The following MED13L variants were observed in gnomAD, a reference collection of about 807,000 sequenced individuals.
The protein encoded by MED13L is mediator complex subunit 13L, also known as mediator of RNA polymerase II transcription subunit 13-like.
A neutral mutation model predicts 220.9 loss-of-function variants in MED13L; 7 were observed. The ratio of observed to expected loss-of-function variants is 0.03; its 90% confidence interval spans 0.02 to 0.06. The LOEUF (loss-of-function observed/expected upper bound fraction) is 0.06. MED13L is among the 10% of genes least tolerant of loss of function. MED13L has a pLI of 1.00. For missense variants in MED13L, 1,965 were observed against 2,760.5 expected (o/e 0.71, Z 6.46); for synonymous variants, 1,011 against 1,015.2 (o/e 1.00, Z 0.08).
chr12:116,029,245 GAA>G (rs34603122), intron 4 of MED13L, among the ~76,000 whole-genome samples: 3,219 of 134,108 alleles, frequency 0.024, 50 homozygotes, highest in Non-Finnish European at 0.033. Flanking sequence ...AAGCTTCTCT[GAA>G]AAAAAAAAAA....
intron 4 of MED13L, among the ~76,000 whole-genome samples, chr12:116,030,999 G>A (rs1323106552): frequency 6.6e-6 from 1 of 152,062 alleles, no homozygotes; most frequent in Non-Finnish European, 1.5e-5. Flanking sequence ...TGCATTAACA[G>A]ATGAATGAGA....
At chr12:116,109,159 C>T (rs1172247549) in intron 3 of MED13L, among the ~76,000 whole-genome samples, 1 of 148,088 alleles carries the variant, frequency 6.8e-6, no homozygotes, top group East Asian at 2.0e-4. Context: ...CAGCCTCAAC[C>T]TCCTGGGCTC....
At chr12:116,047,402 T>C (rs971831485) in intron 4 of MED13L, among the ~76,000 whole-genome samples, 1 of 152,160 alleles carries the variant, frequency 6.6e-6, no homozygotes, top group Non-Finnish European at 1.5e-5. Context: ...AGCTAGCTGT[T>C]GTACAGATTT....
chr12:116,123,589 C>T (rs989348185), intron 2 of MED13L, among the ~76,000 whole-genome samples: 5 of 152,078 alleles, frequency 3.3e-5, no homozygotes, highest in Non-Finnish European at 7.4e-5. Flanking sequence ...CACACGTGCA[C>T]ACAGAAGCTT....
intron 30 of MED13L, chr12:115,962,531 G>C (rs999776043): frequency 1.3e-5 from 2 of 152,070 alleles, no homozygotes; most frequent in Non-Finnish European, 2.9e-5. Flanking sequence ...ATGTTGATCA[G>C]GTTCTTTATT....
At chr12:115,978,056 G>A (rs549563450) in intron 23 of MED13L, among the ~76,000 whole-genome samples, 5 of 152,008 alleles carry the variant, frequency 3.3e-5, no homozygotes, top group African/African-American at 7.2e-5. Flanking sequence ...CAAGACCAGC[G>A]TGAGCAATAT....
chr12:115,984,250 A>C lies in MED13L; in HGVS notation c.4461T>G (p.Pro1487=), dbSNP rs1877532807. 4.3e-6 allele frequency: 7 copies of C among 1,613,920 alleles called. No individual in the cohort carries two copies. The highest frequency in any genetic ancestry group is 5.9e-6 in the Non-Finnish European group (7 of 1,180,006). ...DELVSEWFNQ[P]WSGEENDNHS... ...GATTGTCATTCTCCTCGCCGCTCCA[A>C]GGCTGGTTAAACCACTCACTCACAA... Residue 1487 remains proline, a synonymous_variant, in exon 20 of 31, where the codon CCT becomes CCG. Coordinates refer to ENST00000281928, the MANE Select transcript of MED13L (RefSeq NM_015335.5).
At chr12:116,007,978 T>G in intron 10 of MED13L, 1 of 336,014 alleles carries the variant, frequency 3.0e-6, no homozygotes, top group East Asian at 6.4e-5. Context: ...TATGTAAAGT[T>G]TTAGAATGGG....
At chr12:116,110,357 T>TTAAATAAATAAATAAA (rs34452896) in intron 3 of MED13L, 4 of 144,962 alleles carry the variant, frequency 2.8e-5, no homozygotes, top group African/African-American at 7.5e-5. Context: ...CATAGCAAGA[T>TTAAATAAATAAATAAA]TAAATAAATA....
intron 3 of MED13L, among the ~76,000 whole-genome samples, chr12:116,102,602 A>G (rs906737129): frequency 3.3e-5 from 5 of 151,930 alleles, no homozygotes; most frequent in Non-Finnish European, 5.9e-5. Context: ...CTTCCTAGAA[A>G]TTACAATGCT....
At chr12:116,028,753 C>A (rs1453431652) in intron 4 of MED13L, among the ~76,000 whole-genome samples, 1 of 152,160 alleles carries the variant, frequency 6.6e-6, no homozygotes, top group Non-Finnish European at 1.5e-5. Flanking sequence ...CTCTTAGGGG[C>A]ACACCACTTG....
At chr12:115,961,901 C>T (rs1258973185) in intron 30 of MED13L, among the ~76,000 whole-genome samples, 3 of 151,082 alleles carry the variant, frequency 2.0e-5, no homozygotes, top group Admixed American at 6.6e-5. Flanking sequence ...AACCTGTGGG[C>T]GGAGGTTGCA....
intron 4 of MED13L, among the ~76,000 whole-genome samples, chr12:116,063,444 G>C (rs1352779568): frequency 6.6e-6 from 1 of 152,220 alleles, no homozygotes; most frequent in African/African-American, 2.4e-5. Context: ...CTTGAACCCA[G>C]GAGATCCAGG....
intron 2 of MED13L, among the ~76,000 whole-genome samples, chr12:116,219,444 AG>A (rs1198423075): frequency 6.6e-6 from 1 of 152,164 alleles, no homozygotes; most frequent in Non-Finnish European, 1.5e-5. Flanking sequence ...TTATTTCTGA[AG>A]AAAATGTAGA....
chr12:116,097,306 T>C (rs1872705617), intron 3 of MED13L, among the ~76,000 whole-genome samples: 1 of 152,036 alleles, frequency 6.6e-6, no homozygotes, highest in South Asian at 2.1e-4. Context: ...CCACCATGTC[T>C]GGCTAATTTT....
chr12:116,260,433 A>T (rs186657524), intron 1 of MED13L, among the ~76,000 whole-genome samples: 2 of 152,248 alleles, frequency 1.3e-5, no homozygotes, highest in Non-Finnish European at 1.5e-5. Context: ...AACACGAGGA[A>T]CCCAGGAATG....
At chr12:116,245,685 C>T (rs1264402432) in intron 1 of MED13L, among the ~76,000 whole-genome samples, 1 of 151,880 alleles carries the variant, frequency 6.6e-6, no homozygotes, top group African/African-American at 2.4e-5. Flanking sequence ...AATGATAAAA[C>T]TTAGTAAAAT....
intron 2 of MED13L, among the ~76,000 whole-genome samples, chr12:116,160,067 C>G (rs1487966247): frequency 6.6e-6 from 1 of 152,122 alleles, no homozygotes; most frequent in African/African-American, 2.4e-5. Context: ...TTGCACAGAA[C>G]AAAATAATAT....
At chr12:116,192,964 C>T (rs573334417) in intron 2 of MED13L, among the ~76,000 whole-genome samples, 2 of 152,170 alleles carry the variant, frequency 1.3e-5, no homozygotes, top group Non-Finnish European at 2.9e-5. Flanking sequence ...AACCGCGTCT[C>T]TATTAAAAAT....
Sources: gnomAD v4.1 joint callset for allele counts (sites outside exome capture counted in the v4.1 genomes callset) on GRCh38, gnomAD v4.1.1 for gene constraint, MANE v1.5 for transcripts, NCBI Gene and HGNC (gene_info 2026-07-23, HGNC 2026-07-21) for gene names.